RBFOX1: variants seen among roughly 807,000 people sequenced by gnomAD.
The protein encoded by RBFOX1 is RNA binding fox-1 homolog 1, also known as RNA binding protein fox-1 homolog 1.
In RBFOX1, 8 loss-of-function variants were observed where a neutral mutation model predicts 57.7. The ratio of observed to expected loss-of-function variants is 0.14; its 90% confidence interval spans 0.08 to 0.25. The LOEUF (loss-of-function observed/expected upper bound fraction) is 0.25. Among genes scored for constraint, RBFOX1 ranks in the 10% least tolerant of loss-of-function variants. RBFOX1 has a pLI of 1.00. For synonymous variants in RBFOX1, 326 were observed against 222.4 expected (o/e 1.47, Z -4.15); for missense variants, 611 against 548.5 (o/e 1.11, Z -1.14).
At chr16:5,363,597 T>G (rs2065616445) in intron 1 of RBFOX1, among the ~76,000 whole-genome samples, 1 of 152,192 alleles carries the variant, frequency 6.6e-6, no homozygotes, top group African/African-American at 2.4e-5. Context: ...TCAGTTGACC[T>G]GACTTTTCCC....
At chr16:5,969,991 C>T (rs1271920089) in intron 4 of RBFOX1, among the ~76,000 whole-genome samples, 1 of 152,068 alleles carries the variant, frequency 6.6e-6, no homozygotes, top group African/African-American at 2.4e-5. Flanking sequence ...ACGTTGTGTT[C>T]ACTCACCGTT....
intron 3 of RBFOX1, among the ~76,000 whole-genome samples, chr16:6,822,299 C>A (rs568664409): frequency 6.6e-6 from 1 of 152,114 alleles, no homozygotes; most frequent in South Asian, 2.1e-4. Context: ...CACCATTATT[C>A]TTTGTTGGAC....
At chr16:7,429,127 G>C (rs962548944) in intron 4 of RBFOX1, among the ~76,000 whole-genome samples, 2 of 152,160 alleles carry the variant, frequency 1.3e-5, no homozygotes, top group Non-Finnish European at 2.9e-5. Flanking sequence ...GCGGCATAAG[G>C]CTTTTCTGAC....
intron 3 of RBFOX1, among the ~76,000 whole-genome samples, chr16:5,812,275 G>T (rs944353268): frequency 5.9e-5 from 9 of 152,190 alleles, no homozygotes; most frequent in Non-Finnish European, 1.2e-4. Flanking sequence ...CTTTGGACAT[G>T]TGCTTTTCTT....
chr16:7,425,601 T>C (rs1467666073), intron 4 of RBFOX1, among the ~76,000 whole-genome samples: 1 of 152,222 alleles, frequency 6.6e-6, no homozygotes, highest in African/African-American at 2.4e-5. Context: ...TTCCTCTTGC[T>C]CATTCTGTTT....
intron 3 of RBFOX1, among the ~76,000 whole-genome samples, chr16:5,760,643 C>A (rs1174435723): frequency 1.3e-5 from 2 of 152,144 alleles, no homozygotes; most frequent in Non-Finnish European, 2.9e-5. Flanking sequence ...GGAAGGCAGA[C>A]ACAAAAGGCC....
At chr16:5,856,220 T>C (rs1179783273) in intron 3 of RBFOX1, among the ~76,000 whole-genome samples, 1,712 of 31,158 alleles carry the variant, frequency 0.055, 69 homozygotes, top group African/African-American at 0.075. Flanking sequence ...TATATATGTA[T>C]ATATATATGT....
At chr16:6,824,491 A>G (rs1416665159) in intron 3 of RBFOX1, among the ~76,000 whole-genome samples, 5 of 152,218 alleles carry the variant, frequency 3.3e-5, no homozygotes, top group African/African-American at 1.2e-4. Context: ...GGTGTTTTGT[A>G]GTAAATTCTA....
intron 4 of RBFOX1, among the ~76,000 whole-genome samples, chr16:7,273,238 C>A (rs1254025481): frequency 7.0e-6 from 1 of 141,950 alleles, no homozygotes; most frequent in Non-Finnish European, 1.5e-5. Context: ...TCCTTCCTTC[C>A]TTCCTTCCTT....
chr16:5,882,810 G>A lies in RBFOX1; in HGVS notation c.351+15475G>A, dbSNP rs1439030560. 2.0e-5 allele frequency among the ~76,000 whole-genome samples: 3 copies of A among 152,204 alleles called. No homozygotes were observed. In the East Asian group the frequency reaches 5.8e-4, roughly 29 times the overall value. ...TAGAGAATGTGAAAAATCTCATGCTGTGGAGATTTGGACTCTGGGTATATT... is the reference window on the plus strand; with the variant it reads ...TAGAGAATGTGAAAAATCTCATGCTATGGAGATTTGGACTCTGGGTATATT... On this transcript the variant is annotated intron_variant, in intron 4 of 19. Coordinates refer to the RBFOX1 transcript ENST00000641259.
intron 4 of RBFOX1, among the ~76,000 whole-genome samples, chr16:5,940,462 A>C (rs2059256807): frequency 1.3e-5 from 2 of 152,204 alleles, no homozygotes; most frequent in Non-Finnish European, 2.9e-5. Context: ...AAGGTCACCC[A>C]CCTGGAAAAC....
At chr16:5,421,559 G>A (rs568860951) in intron 1 of RBFOX1, among the ~76,000 whole-genome samples, 3 of 152,202 alleles carry the variant, frequency 2.0e-5, no homozygotes, top group Admixed American at 6.5e-5. Context: ...AGCCCTGCAG[G>A]GGGACTCGAG....
intron 4 of RBFOX1, among the ~76,000 whole-genome samples, chr16:7,517,885 G>T (rs568682666): frequency 1.3e-3 from 195 of 151,704 alleles, no homozygotes; most frequent in African/African-American, 4.4e-3. Context: ...ATATTAGGCT[G>T]GGTGGCTTGG....
At chr16:6,279,410 G>C (rs976145203) in intron 1 of RBFOX1, among the ~76,000 whole-genome samples, 8 of 152,180 alleles carry the variant, frequency 5.3e-5, no homozygotes, top group African/African-American at 1.7e-4. Context: ...GACGTTAAAT[G>C]AGTAAGTCTT....
chr16:7,678,119 T>C (rs1320309053), intron 14 of RBFOX1, among the ~76,000 whole-genome samples: 1 of 152,218 alleles, frequency 6.6e-6, no homozygotes, highest in Non-Finnish European at 1.5e-5. Context: ...TCTGGTTCTA[T>C]GCAGGTATCA....
At chr16:7,383,565 C>T (rs2097822453) in intron 4 of RBFOX1, among the ~76,000 whole-genome samples, 1 of 152,088 alleles carries the variant, frequency 6.6e-6, no homozygotes, top group South Asian at 2.1e-4. Context: ...GACATATTGA[C>T]CTCCTTATTA....
chr16:5,269,599 C>G (rs1005328657), intron 1 of RBFOX1, among the ~76,000 whole-genome samples: 1 of 152,194 alleles, frequency 6.6e-6, no homozygotes, highest in African/African-American at 2.4e-5. Flanking sequence ...GATGAAAGAT[C>G]ACATTCTACA....
intron 3 of RBFOX1, among the ~76,000 whole-genome samples, chr16:5,812,840 T>C (rs901956328): frequency 3.3e-5 from 5 of 152,170 alleles, no homozygotes; most frequent in African/African-American, 9.7e-5. Context: ...ATTTTCCTCG[T>C]GACTAATGAT....
chr16:6,478,997 C>T (rs1476811020), intron 2 of RBFOX1, among the ~76,000 whole-genome samples: 1 of 152,118 alleles, frequency 6.6e-6, no homozygotes, highest in Non-Finnish European at 1.5e-5. Context: ...TAGACTTGCT[C>T]AGCACAAGGT....
Sources: gnomAD v4.1 joint callset for allele counts (sites outside exome capture counted in the v4.1 genomes callset) on GRCh38, gnomAD v4.1.1 for gene constraint, MANE v1.5 for transcripts, NCBI Gene and HGNC (gene_info 2026-07-23, HGNC 2026-07-21) for gene names.